Variants in ATXN1 observed in about 807,000 individuals in gnomAD.
The protein encoded by ATXN1 is ataxin 1.
Under a neutral mutation model 56.4 loss-of-function variants are expected in ATXN1, and 8 were observed. That is an observed-to-expected ratio of 0.14 (90% CI 0.08 to 0.26). The LOEUF (loss-of-function observed/expected upper bound fraction) is 0.26, where lower values mean the gene tolerates loss of function less well. Among genes scored for constraint, ATXN1 ranks in the 10% least tolerant of loss-of-function variants. The pLI, the probability that ATXN1 is intolerant of heterozygous loss-of-function variation, is 1.00. For missense variants in ATXN1, 987 were observed against 1,106.5 expected (o/e 0.89, Z 1.53); for synonymous variants, 514 against 494.6 (o/e 1.04, Z -0.52).
At chr6:16,744,494 C>T (rs2113517107) in intron 2 of ATXN1, among the ~76,000 whole-genome samples, 1 of 152,196 alleles carries the variant, frequency 6.6e-6, no homozygotes, top group East Asian at 1.9e-4. Flanking sequence ...CATGTTTCTA[C>T]CCACTGCTCC....
rs189418116 is a variant in ATXN1, at chr6:16,631,473, T to A, written c.-489+26303A>T. 5.9e-5 allele frequency among the ~76,000 whole-genome samples: 9 copies of A among 152,338 alleles called. No homozygotes were observed. In the East Asian group the frequency reaches 1.5e-3, roughly 26 times the overall value. ...GCCACACTCTGCTCAGCTCTTGATATGGTGCAAAGCACTAAAATCACACAG... is the reference window on the plus strand; with the variant it reads ...GCCACACTCTGCTCAGCTCTTGATAAGGTGCAAAGCACTAAAATCACACAG... On this transcript the variant is annotated intron_variant, in intron 3 of 7. Transcript: ENST00000436367.
intron 3 of ATXN1, among the ~76,000 whole-genome samples, chr6:16,629,343 C>G (rs906111748): frequency 2.0e-5 from 3 of 152,070 alleles, no homozygotes; most frequent in African/African-American, 7.2e-5. Flanking sequence ...CCCGCCTCCC[C>G]CTGAGGCAGA....
intron 6 of ATXN1, among the ~76,000 whole-genome samples, chr6:16,475,970 A>G (rs1760318349): frequency 6.6e-6 from 1 of 151,890 alleles, no homozygotes; most frequent in Non-Finnish European, 1.5e-5. Context: ...CCCGGGTCCA[A>G]GTGATTCTCC....
chr6:16,516,026 T>C (rs1471773309), intron 5 of ATXN1, among the ~76,000 whole-genome samples: 2 of 152,242 alleles, frequency 1.3e-5, no homozygotes. Context: ...GACAGTGATG[T>C]GTCTAAGACA....
intron 6 of ATXN1, among the ~76,000 whole-genome samples, chr6:16,382,554 T>G (rs1205830183): frequency 6.6e-6 from 1 of 151,904 alleles, no homozygotes; most frequent in African/African-American, 2.4e-5. Flanking sequence ...AAGTTAGGGG[T>G]GGGTGGGGTG....
chr6:16,525,436 A>G (rs1761372419), intron 4 of ATXN1, among the ~76,000 whole-genome samples: 1 of 152,358 alleles, frequency 6.6e-6, no homozygotes, highest in Admixed American at 6.5e-5. Context: ...AGACAAACTT[A>G]GCATGTTCTC....
chr6:16,509,138 T>A (rs898120702), intron 5 of ATXN1, among the ~76,000 whole-genome samples: 5 of 152,042 alleles, frequency 3.3e-5, no homozygotes, highest in Non-Finnish European at 5.9e-5. Context: ...GTCTAATGGG[T>A]ACAGAGTTTT....
rs1377539064 is a variant in ATXN1 at position 16,563,711 on chromosome 6, G to T, written c.-361+22069C>A. 2.6e-5 allele frequency among the ~76,000 whole-genome samples: 4 copies of T among 152,262 alleles called. No homozygotes were observed. The East Asian group carries it at 7.7e-4, about 29-fold the overall frequency. On this transcript the variant is annotated intron_variant, in intron 4 of 7. Transcript: ENST00000436367. Reference sequence around the variant, plus strand: ...GGCAGTATCTCTGGGAAGCTGAAATGAAGGAAAGGTGAAGTCTTAAGGTGA... The same window carrying T: ...GGCAGTATCTCTGGGAAGCTGAAATTAAGGAAAGGTGAAGTCTTAAGGTGA...
chr6:16,712,342 G>A (rs914476480), intron 2 of ATXN1, among the ~76,000 whole-genome samples: 4 of 152,118 alleles, frequency 2.6e-5, no homozygotes, highest in Non-Finnish European at 4.4e-5. Flanking sequence ...CCCCTATTCC[G>A]TACAAAGGAA....
intron 4 of ATXN1, among the ~76,000 whole-genome samples, chr6:16,523,001 T>C (rs1355830668): frequency 6.6e-6 from 1 of 152,192 alleles, no homozygotes; most frequent in East Asian, 1.9e-4. Context: ...TAGGTGCCTT[T>C]CTTAAAATGT....
intron 6 of ATXN1, among the ~76,000 whole-genome samples, chr6:16,433,322 T>G (rs536760319): frequency 6.6e-6 from 1 of 152,320 alleles, no homozygotes; most frequent in East Asian, 1.9e-4. Flanking sequence ...TGAATACTTC[T>G]TTTTGGGAAC....
At chr6:16,409,295 T>TA (rs367909909) in intron 6 of ATXN1, among the ~76,000 whole-genome samples, 4,147 of 143,010 alleles carry the variant, frequency 0.029, 62 homozygotes, top group Non-Finnish European at 0.038. Context: ...TTTATGAAAC[T>TA]AAAAAAAAAA....
At chr6:16,534,751 C>T (rs1761566065) in intron 4 of ATXN1, among the ~76,000 whole-genome samples, 1 of 152,120 alleles carries the variant, frequency 6.6e-6, no homozygotes, top group Non-Finnish European at 1.5e-5. Context: ...TCTTCTTATC[C>T]ATAGATATTT....
chr6:16,689,900 T>C (rs1223438514), intron 2 of ATXN1, among the ~76,000 whole-genome samples: 1 of 152,144 alleles, frequency 6.6e-6, no homozygotes, highest in East Asian at 1.9e-4. Context: ...TCTGTACCGT[T>C]TGATCAACCA....
At chr6:16,689,752 T>C (rs1759004705) in intron 2 of ATXN1, among the ~76,000 whole-genome samples, 1 of 152,184 alleles carries the variant, frequency 6.6e-6, no homozygotes, top group African/African-American at 2.4e-5. Flanking sequence ...TTATTTTTTA[T>C]AATGAAGACA....
At chr6:16,374,903 C>T (rs930324151) in intron 6 of ATXN1, among the ~76,000 whole-genome samples, 1 of 152,216 alleles carries the variant, frequency 6.6e-6, no homozygotes, top group Non-Finnish European at 1.5e-5. Flanking sequence ...TTAACCCGAG[C>T]CCCTGAATAT....
chr6:16,731,614 T>C (rs796818670), intron 2 of ATXN1, among the ~76,000 whole-genome samples: 8 of 152,126 alleles, frequency 5.3e-5, no homozygotes, highest in African/African-American at 1.7e-4. Context: ...CAGGAAGTTG[T>C]CTGTACTTTG....
At chr6:16,393,091 C>A (rs1295982798) in intron 6 of ATXN1, among the ~76,000 whole-genome samples, 1 of 152,148 alleles carries the variant, frequency 6.6e-6, no homozygotes, top group Non-Finnish European at 1.5e-5. Context: ...AATTCATAAG[C>A]AAAACACAAG....
rs555124061 is a variant in ATXN1 at position 16,406,987 on chromosome 6, T to C, written c.-160-78517A>G. On this transcript the variant is annotated intron_variant, in intron 6 of 7. Transcript: ENST00000436367. ...CTTTCTGCAGAAAGTAAAAATGGTC[T>C]TGCTGAGGAAATTAAATTTATGTTC... 4.6e-5 allele frequency among the ~76,000 whole-genome samples: 7 copies of C among 152,352 alleles called. No homozygotes were observed. The South Asian group carries it at 1.4e-3, about 32-fold the overall frequency.
Sources: allele counts gnomAD v4.1 joint callset (sites outside exome capture counted in the v4.1 genomes callset), GRCh38; gene constraint gnomAD v4.1.1; transcripts MANE v1.5; gene names NCBI Gene and HGNC (gene_info 2026-07-23, HGNC 2026-07-21).